Variants in FOXP2 observed in about 807,000 individuals in gnomAD.
FOXP2 encodes the protein forkhead box P2, also known as forkhead box protein P2.
In FOXP2, 12 loss-of-function variants were observed where a neutral mutation model predicts 115.8. That is an observed-to-expected ratio of 0.10 (90% CI 0.07 to 0.17). The LOEUF (loss-of-function observed/expected upper bound fraction) is 0.17. Ranked by LOEUF, FOXP2 falls within the 10% of genes least tolerant of loss-of-function variation. FOXP2 has a pLI of 1.00. For synonymous variants in FOXP2, 328 were observed against 297.7 expected, an observed-to-expected ratio of 1.10 and a Z score of -1.05; for missense variants, 629 against 843.5, an observed-to-expected ratio of 0.75 and a Z score of 3.15.
chr7:114,389,279 C>T (rs1277130102), intron 2 of FOXP2, among the ~76,000 whole-genome samples: 2 of 152,072 alleles, frequency 1.3e-5, no homozygotes, highest in Non-Finnish European at 2.9e-5. Flanking sequence ...TCTAATGACC[C>T]CTAAGAAGCA....
At chr7:114,456,056 T>C (rs1795300294) in intron 2 of FOXP2, among the ~76,000 whole-genome samples, 1 of 152,144 alleles carries the variant, frequency 6.6e-6, no homozygotes, top group Non-Finnish European at 1.5e-5. Flanking sequence ...TGAAAGCCCC[T>C]CCCCTCACTC....
intron 6 of FOXP2, among the ~76,000 whole-genome samples, chr7:114,636,821 T>C (rs1805248048): frequency 6.6e-6 from 1 of 152,256 alleles, no homozygotes; most frequent in South Asian, 2.1e-4. Flanking sequence ...TTTAATTAAT[T>C]CTTAGCACAG....
intron 2 of FOXP2, among the ~76,000 whole-genome samples, chr7:114,496,137 T>C (rs1259546099): frequency 6.6e-6 from 1 of 152,094 alleles, no homozygotes; most frequent in Non-Finnish European, 1.5e-5. Context: ...AGAAAAAAAA[T>C]CTATAATAAT....
upstream of FOXP2, among the ~76,000 whole-genome samples, chr7:114,161,487 A>G (rs957233922): frequency 1.3e-5 from 2 of 151,750 alleles, no homozygotes; most frequent in Admixed American, 6.6e-5. Flanking sequence ...TATTTTAGCT[A>G]TTCTGATATA....
At chr7:114,318,645 A>G (rs2129181142) in intron 2 of FOXP2, among the ~76,000 whole-genome samples, 1 of 151,864 alleles carries the variant, frequency 6.6e-6, no homozygotes, top group South Asian at 2.1e-4. Context: ...AATAGTATTA[A>G]CAATACACTG....
chr7:114,416,018 A>G (rs1338342881), intron 1 of FOXP2, among the ~76,000 whole-genome samples: 1 of 151,938 alleles, frequency 6.6e-6, no homozygotes, highest in Non-Finnish European at 1.5e-5. Flanking sequence ...ATTTTTAGAA[A>G]CTGCATTATA....
intron 2 of FOXP2, among the ~76,000 whole-genome samples, chr7:114,516,392 C>G (rs936905356): frequency 6.6e-6 from 1 of 151,996 alleles, no homozygotes; most frequent in African/African-American, 2.4e-5. Context: ...TTCCTTACAC[C>G]TTATACAAAA....
intron 1 of FOXP2, among the ~76,000 whole-genome samples, chr7:114,221,651 T>C (rs1794626222): frequency 6.6e-6 from 1 of 152,228 alleles, no homozygotes; most frequent in Non-Finnish European, 1.5e-5. Flanking sequence ...CTGTATACTG[T>C]ACTAAAGCAT....
At chr7:114,498,283 C>T (rs927844664) in intron 2 of FOXP2, among the ~76,000 whole-genome samples, 1 of 152,142 alleles carries the variant, frequency 6.6e-6, no homozygotes, top group African/African-American at 2.4e-5. Context: ...CTTAGATGAG[C>T]TCCACAATGG....
At chr7:114,664,924 C>T (rs374573928) in intron 16 of FOXP2, 28 of 165,076 alleles carry the variant, frequency 1.7e-4, no homozygotes, top group African/African-American at 6.5e-4. Flanking sequence ...TAAAGTGTAA[C>T]TTTTTGCCTG....
At chr7:114,216,227 A>G (rs1018006674) in intron 1 of FOXP2, among the ~76,000 whole-genome samples, 5 of 152,334 alleles carry the variant, frequency 3.3e-5, no homozygotes, top group South Asian at 2.1e-4. Flanking sequence ...CCTCATGAAC[A>G]TGTGCGGCGA....
intron 2 of FOXP2, among the ~76,000 whole-genome samples, chr7:114,338,294 G>A (rs2129183953): frequency 6.6e-6 from 1 of 150,890 alleles, no homozygotes. Flanking sequence ...TAAGGCAAAT[G>A]ACTTCATCAT....
intron 2 of FOXP2, among the ~76,000 whole-genome samples, chr7:114,484,794 T>C (rs1796702451): frequency 6.6e-6 from 1 of 151,914 alleles, no homozygotes; most frequent in Non-Finnish European, 1.5e-5. Context: ...CAAGTTGCAT[T>C]AACAGAAAAA....
chr7:114,179,894 G>T (rs1793413894), intron 1 of FOXP2, among the ~76,000 whole-genome samples: 1 of 151,896 alleles, frequency 6.6e-6, no homozygotes, highest in African/African-American at 2.4e-5. Context: ...TCAGATTTGA[G>T]AATTTTTTTT....
chr7:114,655,869 C>A (rs1806559131), intron 10 of FOXP2, among the ~76,000 whole-genome samples: 1 of 152,052 alleles, frequency 6.6e-6, no homozygotes, highest in African/African-American at 2.4e-5. Flanking sequence ...TAAATGGTAC[C>A]TTTTGGCCAT....
chr7:114,644,536 C>G (rs895137856), intron 7 of FOXP2, 149 bp from the exon 8 acceptor site: 45 of 689,996 alleles, frequency 6.5e-5, no homozygotes, highest in Non-Finnish European at 1.1e-4. Flanking sequence ...TTGAACTATT[C>G]AATAGAACGA....
At chr7:114,176,290 T>TCTCTCTCTCTC (rs1793301161) in intron 1 of FOXP2, among the ~76,000 whole-genome samples, 2 of 37,730 alleles carry the variant, frequency 5.3e-5, no homozygotes, top group Middle Eastern at 0.013. Context: ...CTTTCTTTCT[T>TCTCTCTCTCTC]TCTTTCTTTC....
intron 3 of FOXP2, among the ~76,000 whole-genome samples, chr7:114,536,749 G>A (rs1430303350): frequency 6.6e-6 from 1 of 151,384 alleles, no homozygotes; most frequent in Non-Finnish European, 1.5e-5. Flanking sequence ...TGTAAAACTA[G>A]CATTTCAGTA....
chr7:114,370,201 A>G (rs1173307955), intron 2 of FOXP2, among the ~76,000 whole-genome samples: 1 of 151,948 alleles, frequency 6.6e-6, no homozygotes, highest in Non-Finnish European at 1.5e-5. Flanking sequence ...ATTACCTTGT[A>G]CTCTTTCTAA....
Sources: allele counts gnomAD v4.1 joint callset (sites outside exome capture counted in the v4.1 genomes callset), GRCh38; gene constraint gnomAD v4.1.1; transcripts MANE v1.5; gene names NCBI Gene and HGNC (gene_info 2026-07-23, HGNC 2026-07-21).